CTNNA2: variants seen among roughly 807,000 people sequenced by gnomAD.
CTNNA2 encodes the protein catenin alpha 2, also known as catenin alpha-2.
CTNNA2 carries 42 observed loss-of-function variants against 101.0 expected under a neutral mutation model. The observed-to-expected ratio is 0.42, with a 90% confidence interval of 0.32 to 0.54. The LOEUF (loss-of-function observed/expected upper bound fraction) is 0.54. Among genes scored for constraint, CTNNA2 ranks in the 20% least tolerant of loss-of-function variants. The pLI is 0.14. For synonymous variants in CTNNA2, 450 were observed against 456.4 expected, an observed-to-expected ratio of 0.99 and a Z score of 0.18; for missense variants, 871 against 1,223.1, an observed-to-expected ratio of 0.71 and a Z score of 4.29.
rs532396384 is a variant in CTNNA2, at chr2:80,351,751, G to A, written c.1057-41460G>A. On this transcript the variant is annotated intron_variant, in intron 7 of 18. Coordinates refer to ENST00000402739, the MANE Select transcript of CTNNA2 (RefSeq NM_001282597.3). ...CTCATTTTTCTTCTTCAAAACAGGC[G>A]TGATGCTCTGGCCAAATTCGGTACT... Among the ~76,000 whole-genome samples, 9 of 152,204 alleles carry A rather than the reference G, an allele frequency of 5.9e-5. No individual in the cohort carries two copies. In the East Asian group the frequency reaches 1.4e-3, roughly 23 times the overall value.
chr2:80,524,975 G>T (rs567632548), intron 9 of CTNNA2, among the ~76,000 whole-genome samples: 8 of 152,146 alleles, frequency 5.3e-5, no homozygotes, highest in African/African-American at 1.9e-4. Context: ...GGAACAGGTG[G>T]TATTTGGTTA....
chr2:79,734,759 A>C (rs1670748042), intron 2 of CTNNA2, among the ~76,000 whole-genome samples: 1 of 152,162 alleles, frequency 6.6e-6, no homozygotes, highest in Non-Finnish European at 1.5e-5. Context: ...TTTTGAAGTC[A>C]GTACAAAAAG....
intron 9 of CTNNA2, among the ~76,000 whole-genome samples, chr2:80,495,591 A>G (rs1299612907): frequency 6.6e-6 from 1 of 152,204 alleles, no homozygotes; most frequent in Non-Finnish European, 1.5e-5. Context: ...AGATGAGGTC[A>G]TACTGGAGTA....
intron 7 of CTNNA2, among the ~76,000 whole-genome samples, chr2:80,216,200 T>C (rs1435735425): frequency 1.3e-5 from 2 of 152,136 alleles, no homozygotes; most frequent in African/African-American, 4.8e-5. Context: ...CCCCGACCCC[T>C]TGTGCTTCCA....
chr2:79,759,033 A>G (rs940304094), intron 3 of CTNNA2, among the ~76,000 whole-genome samples: 3 of 152,220 alleles, frequency 2.0e-5, no homozygotes, highest in Non-Finnish European at 4.4e-5. Context: ...ATGTCAACCC[A>G]GCATTGTGGA....
chr2:79,481,208 G>A (rs989734705), intron 4 of CTNNA2, among the ~76,000 whole-genome samples: 25 of 152,052 alleles, frequency 1.6e-4, no homozygotes, highest in Admixed American at 3.9e-4. Flanking sequence ...AACTTAGATT[G>A]GCCATACAAA....
intron 7 of CTNNA2, among the ~76,000 whole-genome samples, chr2:79,993,366 C>T (rs746990002): frequency 5.3e-5 from 8 of 152,142 alleles, no homozygotes; most frequent in Admixed American, 2.0e-4. Context: ...TGGGCTCCCA[C>T]GTGGGCTTCA....
chr2:79,519,662 T>C (rs957329868), intron 1 of CTNNA2, among the ~76,000 whole-genome samples: 2 of 152,226 alleles, frequency 1.3e-5, no homozygotes, highest in African/African-American at 4.8e-5. Context: ...AACATAAACT[T>C]CTGCTGCATA....
At chr2:80,321,926 T>C (rs1265307795) in intron 7 of CTNNA2, among the ~76,000 whole-genome samples, 1 of 149,680 alleles carries the variant, frequency 6.7e-6, no homozygotes, top group Non-Finnish European at 1.5e-5. Flanking sequence ...AGATTCTCTG[T>C]ATTTTATTTA....
At chr2:80,424,163 C>A (rs148353644) in intron 9 of CTNNA2, among the ~76,000 whole-genome samples, 1 of 152,090 alleles carries the variant, frequency 6.6e-6, no homozygotes, top group Non-Finnish European at 1.5e-5. Flanking sequence ...ACTATGTTGG[C>A]CAGGCTGGTC....
intron 4 of CTNNA2, among the ~76,000 whole-genome samples, chr2:79,467,249 A>G (rs551923144): frequency 1.3e-5 from 2 of 152,342 alleles, no homozygotes; most frequent in South Asian, 4.1e-4. Context: ...TCAGTAGCCG[A>G]TTTGATCAAC....
chr2:80,616,589 A>T (rs1487951650), intron 17 of CTNNA2: 5 of 151,718 alleles, frequency 3.3e-5, no homozygotes, highest in African/African-American at 1.2e-4. Flanking sequence ...TACTACCGTG[A>T]CTATAATAAT....
At chr2:79,890,677 A>G (rs531745994) in intron 6 of CTNNA2, among the ~76,000 whole-genome samples, 210 of 151,482 alleles carry the variant, frequency 1.4e-3, no homozygotes, top group African/African-American at 4.9e-3. Flanking sequence ...AAAAAGTTTT[A>G]AGATAATCTT....
At chr2:79,852,910 C>T (rs1013081168) in intron 3 of CTNNA2, among the ~76,000 whole-genome samples, 3 of 150,316 alleles carry the variant, frequency 2.0e-5, no homozygotes, top group Non-Finnish European at 4.4e-5. Context: ...CCTCGTTTCC[C>T]GGGCTGGATG....
chr2:80,565,214 A>G (rs1353586476), intron 12 of CTNNA2, among the ~76,000 whole-genome samples: 1 of 152,124 alleles, frequency 6.6e-6, no homozygotes, highest in African/African-American at 2.4e-5. Flanking sequence ...AAGGCTTTCA[A>G]AGACTTTCTT....
At chr2:80,176,260 C>G (rs2148971154) in intron 7 of CTNNA2, among the ~76,000 whole-genome samples, 1 of 152,324 alleles carries the variant, frequency 6.6e-6, no homozygotes, top group African/African-American at 2.4e-5. Flanking sequence ...CTACCAGAAA[C>G]TACCAATTCC....
At chr2:79,592,631 G>A (rs1676937742) in intron 1 of CTNNA2, among the ~76,000 whole-genome samples, 1 of 152,092 alleles carries the variant, frequency 6.6e-6, no homozygotes, top group African/African-American at 2.4e-5. Flanking sequence ...TTGCCTTTGT[G>A]AGTAAAAAAC....
At chr2:80,190,012 G>A (rs1449522170) in intron 7 of CTNNA2, among the ~76,000 whole-genome samples, 2 of 150,678 alleles carry the variant, frequency 1.3e-5, no homozygotes, top group African/African-American at 4.9e-5. Flanking sequence ...GGAAATCCAT[G>A]AAAAAAAAAT....
intron 7 of CTNNA2, among the ~76,000 whole-genome samples, chr2:80,249,919 T>G (rs1484728460): frequency 1.3e-5 from 2 of 152,222 alleles, no homozygotes; most frequent in Non-Finnish European, 1.5e-5. Context: ...TATATTTTCT[T>G]AATGTTTTCT....
Sources: allele counts gnomAD v4.1 joint callset (sites outside exome capture counted in the v4.1 genomes callset), GRCh38; gene constraint gnomAD v4.1.1; transcripts MANE v1.5; gene names NCBI Gene and HGNC (gene_info 2026-07-23, HGNC 2026-07-21).